EDIL3: variants seen among roughly 807,000 people sequenced by gnomAD.
The protein encoded by EDIL3 is EGF-like repeat and discoidin I-like domain-containing protein 3.
In EDIL3, 37 loss-of-function variants were observed where a neutral mutation model predicts 67.4. The observed-to-expected ratio is 0.55, with a 90% CI of 0.42 to 0.72. The LOEUF (loss-of-function observed/expected upper bound fraction) is 0.72. EDIL3 is among the 30% of genes least tolerant of loss of function. The pLI is 0.00. For missense variants in EDIL3, 527 were observed against 586.3 expected (o/e 0.90, Z 1.04); for synonymous variants, 195 against 196.3 (o/e 0.99, Z 0.05).
intron 2 of EDIL3, among the ~76,000 whole-genome samples, chr5:84,243,674 G>A (rs1052131186): frequency 2.6e-5 from 4 of 152,176 alleles, no homozygotes; most frequent in Admixed American, 6.5e-5. Flanking sequence ...GGATTAGTAC[G>A]TAAGAAAACA....
At chr5:84,237,763 A>G (rs1442946572) in intron 2 of EDIL3, among the ~76,000 whole-genome samples, 1 of 152,192 alleles carries the variant, frequency 6.6e-6, no homozygotes, top group Non-Finnish European at 1.5e-5. Flanking sequence ...TGATGCCATC[A>G]GCCTATTTTT....
chr5:84,054,630 T>C (rs1161633718), intron 9 of EDIL3, among the ~76,000 whole-genome samples: 1 of 152,058 alleles, frequency 6.6e-6, no homozygotes, highest in Admixed American at 6.5e-5. Context: ...ACAAAATCAA[T>C]GTGCAAAAAT....
At chr5:84,286,618 T>C (rs1396701922) in intron 1 of EDIL3, among the ~76,000 whole-genome samples, 1 of 152,192 alleles carries the variant, frequency 6.6e-6, no homozygotes, top group African/African-American at 2.4e-5. Context: ...TTGGAGTCTT[T>C]ATATAAGGGA....
In EDIL3 at chr5:83,946,115, A is replaced by G. The variant is rs564531505; in HGVS notation, c.1294-2547T>C. On this transcript the variant is annotated intron_variant, in intron 10 of 10. Coordinates refer to ENST00000296591, the MANE Select transcript of EDIL3 (RefSeq NM_005711.5). ...ACTTCATAAAATCTCTAAGATTTCT[A>G]GAAAGTGCTTTCACAGGCACATTTT... is the stretch of plus-strand genomic sequence containing the variant. 3.3e-5 allele frequency among the ~76,000 whole-genome samples: 5 copies of G among 152,140 alleles called. No homozygotes were observed. In the East Asian group the frequency reaches 7.8e-4, roughly 24 times the overall value.
intron 3 of EDIL3, among the ~76,000 whole-genome samples, chr5:84,198,476 A>C (rs191192975): frequency 6.6e-6 from 1 of 152,098 alleles, no homozygotes; most frequent in South Asian, 2.1e-4. Flanking sequence ...TCTTGTGTAT[A>C]TATTTATAAC....
At chr5:84,053,434 G>C (rs375799187) in intron 9 of EDIL3, among the ~76,000 whole-genome samples, 5 of 151,918 alleles carry the variant, frequency 3.3e-5, no homozygotes, top group African/African-American at 1.2e-4. Context: ...CAAAAGCTAG[G>C]AGAAGGCAAG....
At chr5:84,085,535 C>T (rs1747053971) in intron 6 of EDIL3, among the ~76,000 whole-genome samples, 1 of 152,226 alleles carries the variant, frequency 6.6e-6, no homozygotes, top group Admixed American at 6.5e-5. Context: ...CTGCTGCCTG[C>T]TTCTTCCTCT....
intron 9 of EDIL3, among the ~76,000 whole-genome samples, chr5:84,056,053 A>T (rs191418899): frequency 6.6e-6 from 1 of 152,338 alleles, no homozygotes; most frequent in Admixed American, 6.5e-5. Context: ...AAGACTTGGA[A>T]CCAACCCAAA....
intron 2 of EDIL3, among the ~76,000 whole-genome samples, chr5:84,239,400 T>A (rs983868738): frequency 6.6e-6 from 1 of 152,168 alleles, no homozygotes; most frequent in Non-Finnish European, 1.5e-5. Flanking sequence ...TCCAACATTG[T>A]AAAGAATTAA....
chr5:84,233,846 C>T (rs73142612), intron 2 of EDIL3, among the ~76,000 whole-genome samples: 2,696 of 152,222 alleles, frequency 0.018, 77 homozygotes, highest in African/African-American at 0.061. Flanking sequence ...TTGGCATGCA[C>T]CTTGCAACCA....
Position 84,242,029 on chromosome 5 carries a change from G to A in EDIL3, c.196+12055C>T, listed in dbSNP as rs189162067. ...AAGTCAGGAGATCGAGACCATCCTG[G>A]CTAAAACAGTGAAACCCCGTCTCTA... On this transcript the variant is annotated intron_variant, in intron 2 of 10. Coordinates refer to ENST00000296591, the MANE Select transcript of EDIL3 (RefSeq NM_005711.5). Among the ~76,000 whole-genome samples the A allele has an allele frequency of 5.2e-3, 745 of 144,508 alleles. 5 individuals are homozygous for A. The highest frequency in any genetic ancestry group is 8.4e-3 in the Non-Finnish European group (566 of 67,058). 94.8% of individuals were successfully genotyped at this position (144,508 alleles called of 152,430 possible). A position where few individuals can be genotyped will look rare whatever the true frequency, so the allele number is the denominator to read the frequency against.
intron 5 of EDIL3, among the ~76,000 whole-genome samples, chr5:84,128,806 G>A (rs970850335): frequency 1.3e-5 from 2 of 152,050 alleles, no homozygotes; most frequent in African/African-American, 4.8e-5. Flanking sequence ...AAATATAAGA[G>A]CAAGTTTTAG....
intron 9 of EDIL3, among the ~76,000 whole-genome samples, chr5:84,031,366 A>T (rs1459541949): frequency 6.6e-6 from 1 of 152,222 alleles, no homozygotes; most frequent in Non-Finnish European, 1.5e-5. Context: ...AAATTTTGCT[A>T]AATTCAAAAA....
chr5:84,186,293 A>G (rs1452464201), intron 3 of EDIL3, among the ~76,000 whole-genome samples: 1 of 152,128 alleles, frequency 6.6e-6, no homozygotes, highest in Non-Finnish European at 1.5e-5. Context: ...AGGATAAGAA[A>G]GAAATGGACA....
intron 9 of EDIL3, among the ~76,000 whole-genome samples, chr5:84,050,772 G>T (rs1027146428): frequency 6.6e-6 from 1 of 152,320 alleles, no homozygotes; most frequent in Admixed American, 6.5e-5. Context: ...GGGGAGGGGT[G>T]TTCCCCATTG....
intron 9 of EDIL3, among the ~76,000 whole-genome samples, chr5:83,968,320 G>A (rs950002102): frequency 2.6e-4 from 39 of 151,954 alleles, no homozygotes; most frequent in Non-Finnish European, 7.4e-5. Context: ...GATAACATAA[G>A]CATTCTAGCA....
At position 84,060,519 on chromosome 5, in the gene EDIL3, T is replaced by C. The variant is rs199702125; in HGVS notation, c.953-35A>G. The C allele has an allele frequency of 7.5e-6, 12 of 1,608,616 alleles. No individual in the cohort carries two copies. In the South Asian group the frequency reaches 8.9e-5, roughly 12 times the overall value. ...AATGAGAAGGGCTCCATGAGAAAAA[T>C]AATTGATCACCTGGAACTTTTCTGC... On this transcript the variant is annotated intron_variant, in intron 8 of 10. Coordinates refer to ENST00000296591, the MANE Select transcript of EDIL3 (RefSeq NM_005711.5).
At chr5:83,981,171 C>A (rs1455635201) in intron 9 of EDIL3, among the ~76,000 whole-genome samples, 1 of 151,982 alleles carries the variant, frequency 6.6e-6, no homozygotes, top group Admixed American at 6.6e-5. Flanking sequence ...CAAGAGGCCC[C>A]AAATAGCCAA....
At chr5:84,217,402 T>G (rs1744250274) in intron 3 of EDIL3, among the ~76,000 whole-genome samples, 1 of 152,226 alleles carries the variant, frequency 6.6e-6, no homozygotes, top group South Asian at 2.1e-4. Flanking sequence ...TAGGCTACGG[T>G]GCCCAACTTC....
Sources: gnomAD v4.1 joint callset for allele counts (sites outside exome capture counted in the v4.1 genomes callset) on GRCh38, gnomAD v4.1.1 for gene constraint, MANE v1.5 for transcripts, NCBI Gene and HGNC (gene_info 2026-07-23, HGNC 2026-07-21) for gene names.